INPP4A: variants seen among roughly 807,000 people sequenced by gnomAD.
INPP4A encodes inositol polyphosphate-4-phosphatase type I A, also known as inositol polyphosphate-4-phosphatase, type I, 107kD.
Under a neutral mutation model 119.8 loss-of-function variants are expected in INPP4A, and 33 were observed. The observed-to-expected ratio is 0.28, with a 90% CI of 0.21 to 0.37. The LOEUF (loss-of-function observed/expected upper bound fraction) is 0.37. Among genes scored for constraint, INPP4A ranks in the 10% least tolerant of loss-of-function variants. INPP4A has a pLI of 1.00. For missense variants in INPP4A, 956 were observed against 1,289.9 expected, an observed-to-expected ratio of 0.74 and a Z score of 3.97; for synonymous variants, 496 against 500.7, an observed-to-expected ratio of 0.99 and a Z score of 0.12.
intron 4 of INPP4A, among the ~76,000 whole-genome samples, chr2:98,527,876 C>T (rs1469592005): frequency 5.3e-5 from 8 of 152,148 alleles, no homozygotes; most frequent in Admixed American, 5.2e-4. Context: ...AAGAAACAGC[C>T]ACACAAAAGA....
At chr2:98,542,929 C>CTT (rs200671855) in intron 10 of INPP4A, among the ~76,000 whole-genome samples, 1 of 145,538 alleles carries the variant, frequency 6.9e-6, no homozygotes, top group Non-Finnish European at 1.5e-5. Flanking sequence ...CAGCTCCTCT[C>CTT]TTTTTTTTTT....
chr2:98,497,274 A>C (rs1682186429), intron 1 of INPP4A, among the ~76,000 whole-genome samples: 2 of 152,240 alleles, frequency 1.3e-5, no homozygotes, highest in South Asian at 4.1e-4. Flanking sequence ...CTGGGTGTCC[A>C]GGTAGAAGTT....
chr2:98,504,987 C>T (rs1485055801), intron 1 of INPP4A, among the ~76,000 whole-genome samples: 1 of 152,196 alleles, frequency 6.6e-6, no homozygotes, highest in African/African-American at 2.4e-5. Flanking sequence ...TGTGATTGAG[C>T]AAGCCTGAGA....
chr2:98,584,927 A>G (rs1699789135), intron 24 of INPP4A, among the ~76,000 whole-genome samples: 2 of 152,180 alleles, frequency 1.3e-5, no homozygotes, highest in African/African-American at 4.8e-5. Flanking sequence ...CAAAGATGGG[A>G]GATGATTCAA....
rs748891676 is a variant in INPP4A at position 98,587,576 on chromosome 2, C to A, written c.2887C>A (p.Pro963Thr). 6.2e-7 allele frequency: 1 copy of A among 1,600,586 alleles called. No individual in the cohort carries two copies. The highest frequency in any genetic ancestry group is 8.5e-7 in the Non-Finnish European group (1 of 1,176,368). The change falls in exon 25 of 25, where the codon CCC becomes ACC. Residue 963 changes from proline to threonine, a missense_variant. This residue lies in a region of INPP4A where 304 missense variants were observed against 492.1 expected (regional missense o/e 0.62). Coordinates refer to ENST00000409851, the MANE Select transcript of INPP4A (RefSeq NM_001134225.2). Reference sequence around the variant, plus strand: ...GGCTTTCCCCAAGCATTACAGGCCTCCCGAAGGGACTTACGGAAAAGTTGA... The same window carrying A: ...GGCTTTCCCCAAGCATTACAGGCCTACCGAAGGGACTTACGGAAAAGTTGA... ...LKAFPKHYRP[P>T]EGTYGKVET
chr2:98,555,835 T>G (rs1463273271), intron 16 of INPP4A, 27 bp downstream of exon 16: 1 of 1,534,002 alleles, frequency 6.5e-7, no homozygotes, highest in African/African-American at 1.4e-5. Flanking sequence ...GCTTCCCATA[T>G]GCTGCCTCCA....
At chr2:98,527,185 A>G (rs1244819688) in intron 4 of INPP4A, among the ~76,000 whole-genome samples, 5 of 152,232 alleles carry the variant, frequency 3.3e-5, no homozygotes, top group Non-Finnish European at 5.9e-5. Context: ...GTGAAAATCA[A>G]TAGCCTAAAA....
At chr2:98,524,422 T>C (rs892683345) in intron 4 of INPP4A, among the ~76,000 whole-genome samples, 4 of 152,152 alleles carry the variant, frequency 2.6e-5, no homozygotes, top group African/African-American at 4.8e-5. Flanking sequence ...GAGCCAGGAA[T>C]CAAACCCTGG....
intron 1 of INPP4A, among the ~76,000 whole-genome samples, chr2:98,507,784 A>G (rs974573724): frequency 1.6e-4 from 24 of 152,156 alleles, no homozygotes; most frequent in African/African-American, 3.9e-4. Flanking sequence ...CTTGGAGTCA[A>G]TGGGCCAGCT....
chr2:98,548,930 T>C, intron 13 of INPP4A: 1 of 1,601,278 alleles, frequency 6.2e-7, no homozygotes, highest in Non-Finnish European at 8.5e-7. Context: ...TGCTAATATT[T>C]CATTTTGGTT....
Position 98,594,085 on chromosome 2 carries a change from A to G in INPP4A, c.*6477A>G, listed in dbSNP as rs1488024344. 2 of 152,248 alleles carry G rather than the reference A, an allele frequency of 1.3e-5. No homozygotes were observed. The highest frequency in any genetic ancestry group is 4.8e-5 in the African/African-American group (2 of 41,454). The allele number at this position is 152,248 out of a possible 1,614,324, so 9.4% of individuals were successfully genotyped here. On this transcript the variant is annotated 3_prime_UTR_variant, in exon 25 of 25. Transcript: ENST00000409851. ...AACAAATGGTGGTTTTGTGGTGTTC[A>G]ACTGAAATATTTCCTATTTCAGCAC...
intron 22 of INPP4A, among the ~76,000 whole-genome samples, chr2:98,571,176 G>A (rs1355682136): frequency 6.6e-6 from 1 of 152,310 alleles, no homozygotes; most frequent in East Asian, 1.9e-4. Flanking sequence ...CACAAGCTGG[G>A]CCCCCTACTA....
intron 5 of INPP4A, 28 bp downstream of exon 5, chr2:98,533,523 G>T: frequency 7.4e-7 from 1 of 1,352,014 alleles, no homozygotes; most frequent in Non-Finnish European, 1.1e-6. Flanking sequence ...CTCTCTGAGG[G>T]GCTGTGGGAC....
Position 98,539,528 on chromosome 2 carries a change from T to G in INPP4A, c.671T>G (p.Val224Gly). The G allele has an allele frequency of 1.2e-6, 2 of 1,605,490 alleles. No homozygotes were observed. The highest frequency in any genetic ancestry group is 1.7e-6 in the Non-Finnish European group (2 of 1,174,394). Residue 224 changes from valine (V) to glycine (G), a missense_variant and splice_region_variant, in exon 10 of 25, where the codon GTG becomes GGG. Around this residue, in one of 2 missense-constraint regions of INPP4A, gnomAD observed 652 missense variants for 797.9 expected, o/e 0.82. Coordinates refer to ENST00000409851, the MANE Select transcript of INPP4A (RefSeq NM_001134225.2). ...TGTCTCCCTTGTCATCCCACCTCAG[T>G]GTTCGGTGGTGCCATCTGCCGCATG... ...SLRKDTLLKS[V>G]FGGAICRMYR...
At chr2:98,448,693 TTCTCTC>T (rs200014288) in intron 1 of INPP4A, among the ~76,000 whole-genome samples, 1 of 147,178 alleles carries the variant, frequency 6.8e-6, no homozygotes, top group South Asian at 2.2e-4. Flanking sequence ...TAGTCTTCTT[TTCTCTC>T]TCTCTCTCTC....
intron 1 of INPP4A, among the ~76,000 whole-genome samples, chr2:98,490,621 C>T (rs1680523542): frequency 1.3e-5 from 2 of 152,164 alleles, no homozygotes; most frequent in African/African-American, 4.8e-5. Flanking sequence ...AGTCCTGACC[C>T]CTTTATTGTT....
rs1700508363 is a variant in INPP4A, at chr2:98,594,067, G to A, written c.*6459G>A. The A allele has an allele frequency of 6.6e-6, 1 of 152,228 alleles. No homozygotes were observed. The highest frequency in any genetic ancestry group is 2.4e-5 in the African/African-American group (1 of 41,458). 9.4% of individuals were successfully genotyped at this position (152,228 alleles called of 1,614,324 possible). Reference sequence around the variant, plus strand: ...TTGTTGAATAAACACATGAACAAATGGTGGTTTTGTGGTGTTCAACTGAAA... The same window carrying A: ...TTGTTGAATAAACACATGAACAAATAGTGGTTTTGTGGTGTTCAACTGAAA... On this transcript the variant is annotated 3_prime_UTR_variant, in exon 25 of 25. Transcript: ENST00000409851.
At chr2:98,576,151 G>T (rs895820121) in intron 23 of INPP4A, among the ~76,000 whole-genome samples, 10 of 152,208 alleles carry the variant, frequency 6.6e-5, no homozygotes, top group Non-Finnish European at 1.5e-5. Flanking sequence ...CTCAGGTCTG[G>T]TTGTGCTGCC....
chr2:98,585,124 A>G (rs973063238), intron 24 of INPP4A, among the ~76,000 whole-genome samples: 2 of 152,220 alleles, frequency 1.3e-5, no homozygotes, highest in African/African-American at 4.8e-5. Flanking sequence ...TTTTTCAACT[A>G]GTGTGACAGT....
Sources: gnomAD v4.1 joint callset for allele counts (sites outside exome capture counted in the v4.1 genomes callset) on GRCh38, gnomAD v4.1.1 for gene constraint, gnomAD v4.1.1 regional missense constraint, MANE v1.5 for transcripts, NCBI Gene and HGNC (gene_info 2026-07-23, HGNC 2026-07-21) for gene names.